BAHCC1: variants seen among roughly 807,000 people sequenced by gnomAD.
BAHCC1 encodes the protein BAH domain and coiled-coil containing 1.
BAHCC1 carries 43 observed loss-of-function variants against 88.2 expected under a neutral mutation model. The observed-to-expected ratio is 0.49, with a 90% confidence interval of 0.38 to 0.63. BAHCC1 has a LOEUF of 0.63. Ranked by LOEUF, BAHCC1 falls within the 20% of genes least tolerant of loss-of-function variation. BAHCC1 has a pLI of 0.00. For missense variants in BAHCC1, 3,023 were observed against 1,654.8 expected (o/e 1.83, Z -14.34); for synonymous variants, 1,510 against 745.5 (o/e 2.03, Z -16.71).
chr17:81,415,905 G>A (rs534212174), intron 2 of BAHCC1, among the ~76,000 whole-genome samples: 2 of 152,260 alleles, frequency 1.3e-5, no homozygotes, highest in East Asian at 1.9e-4. Context: ...TGGGCAGAGC[G>A]CCCCACCCTG....
chr17:81,447,210 G>C lies in BAHCC1; in HGVS notation c.3338G>C (p.Ser1113Thr), dbSNP rs145203731. The change falls in exon 11 of 28, where the codon AGC becomes ACC. Residue 1113 changes from serine (S) to threonine (T), a missense_variant. By Grantham distance (58) the Ser-to-Thr change is moderately conservative. Coordinates refer to ENST00000675386, the MANE Select transcript of BAHCC1 (RefSeq NM_001377448.1). ...GAGCCGCCTCCCTGCAGCCCCAGGA[G>C]CCTGGAGGAGCCCGGGCTGCTCTCA... ...PGEPPPCSPR[S>T]LEEPGLLSGA... 3.2e-5 allele frequency: 24 copies of C among 753,434 alleles called. No homozygotes were observed. The highest frequency in any genetic ancestry group is 2.3e-4 in the Middle Eastern group (1 of 4,294). The allele number at this position is 753,434 out of a possible 1,614,324, so 46.7% of individuals were successfully genotyped here. A position where few individuals can be genotyped will look rare whatever the true frequency, so the allele number is the denominator to read the frequency against.
intron 2 of BAHCC1, among the ~76,000 whole-genome samples, chr17:81,416,624 A>G (rs200935692): frequency 1.4e-4 from 22 of 151,892 alleles, no homozygotes; most frequent in Admixed American, 1.3e-4. Flanking sequence ...GTGTGTGTCC[A>G]TGAGGATGGG....
chr17:81,409,417 G>A (rs567898166), intron 2 of BAHCC1, among the ~76,000 whole-genome samples: 6 of 152,374 alleles, frequency 3.9e-5, no homozygotes, highest in Non-Finnish European at 7.3e-5. Context: ...GGGGAAGTGC[G>A]TGTGAATGGA....
chr17:81,400,973 T>A (rs1555645952), intron 2 of BAHCC1: 2 of 152,464 alleles, frequency 1.3e-5, no homozygotes, highest in African/African-American at 4.8e-5. Context: ...GGCTTTTGTT[T>A]ACAGTTTGTT....
intron 2 of BAHCC1, chr17:81,402,180 A>AG (rs1192005718): frequency 1.3e-5 from 2 of 152,104 alleles, no homozygotes; most frequent in African/African-American, 2.4e-5. Flanking sequence ...CCGTCCCTGG[A>AG]GGCCCCATTT....
At position 81,399,957 on chromosome 17, in the gene BAHCC1, C is replaced by A; in HGVS notation, c.178+40C>A. Reference sequence around the variant, plus strand: ...GGGGCGGGCGCGGGACGGGAGCGTTCGAGAGCGGAACAGGGCGCCCACCCC... The same window carrying A: ...GGGGCGGGCGCGGGACGGGAGCGTTAGAGAGCGGAACAGGGCGCCCACCCC... On this transcript the variant is annotated intron_variant, in intron 2 of 27. Coordinates refer to ENST00000675386, the MANE Select transcript of BAHCC1 (RefSeq NM_001377448.1). The surrounding 1 kb of genome is among the most constrained non-coding windows in gnomAD (Gnocchi z 4.5). 1 of 1,293,544 alleles carries A rather than the reference C, an allele frequency of 7.7e-7. No homozygotes were observed. Among genetic ancestry groups the A allele is most frequent in the South Asian group, 2.1e-5 (1 of 47,172 alleles). 80.1% of individuals were successfully genotyped at this position (1,293,544 alleles called of 1,614,324 possible). A position where few individuals can be genotyped will look rare whatever the true frequency, so the allele number is the denominator to read the frequency against.
At chr17:81,397,784 C>CTCTG (rs1278108505) in intron 1 of BAHCC1, among the ~76,000 whole-genome samples, 1 of 152,214 alleles carries the variant, frequency 6.6e-6, no homozygotes, top group Non-Finnish European at 1.5e-5. Context: ...AGCTGGCGAT[C>CTCTG]CCCAGAGGGA....
intron 2 of BAHCC1, among the ~76,000 whole-genome samples, chr17:81,419,379 C>T (rs2064084306): frequency 2.0e-5 from 3 of 152,272 alleles, no homozygotes; most frequent in Admixed American, 2.0e-4. Context: ...GGCTTCCTCC[C>T]CGCGCTTTCC....
chr17:81,437,016 A>C (rs1275066247), intron 3 of BAHCC1, among the ~76,000 whole-genome samples: 1 of 152,250 alleles, frequency 6.6e-6, no homozygotes, highest in African/African-American at 2.4e-5. Context: ...CCTGGGATCC[A>C]CTGAGCCAGA....
chr17:81,446,920 G>T, intron 10 of BAHCC1, 116 bp from the exon 11 acceptor site: 1 of 695,322 alleles, frequency 1.4e-6, no homozygotes, highest in Non-Finnish European at 2.6e-6. Context: ...GCTAGCCCAG[G>T]GCCCTTCCGC....
chr17:81,461,247 A>T lies in BAHCC1; in HGVS notation c.6584A>T (p.Glu2195Val). The change falls in exon 26 of 28, where the codon GAG (glutamate) becomes GTG (valine). Residue 2195 changes from glutamate (E) to valine (V), a missense_variant. Coordinates refer to ENST00000675386, the MANE Select transcript of BAHCC1 (RefSeq NM_001377448.1). ...RAKKAERVEA[E>V]KGGRRRAGGE... ...AAGAAGGCCGAGAGGGTGGAGGCCG[A>T]GAAGGGTGGGCGGCGGCGGGCGGGC... is the stretch of plus-strand genomic sequence containing the variant. 2.8e-6 allele frequency: 2 copies of T among 708,066 alleles called. No individual in the cohort carries two copies. The highest frequency in any genetic ancestry group is 5.2e-6 in the Non-Finnish European group (2 of 384,620). The allele number at this position is 708,066 out of a possible 1,614,324, so 43.9% of individuals were successfully genotyped here.
In BAHCC1 at chr17:81,442,551, T is replaced by C; in HGVS notation, c.1202T>C (p.Leu401Pro). The C allele has an allele frequency of 2.7e-6, 2 of 742,670 alleles. No individual in the cohort carries two copies. Among genetic ancestry groups the C allele is most frequent in the South Asian group, 2.8e-5 (2 of 70,782 alleles). The allele number at this position is 742,670 out of a possible 1,614,324, so 46.0% of individuals were successfully genotyped here. Residue 401 changes from leucine to proline, a missense_variant, in exon 5 of 28, where the codon CTG (leucine) becomes CCG (proline). Coordinates refer to ENST00000675386, the MANE Select transcript of BAHCC1 (RefSeq NM_001377448.1). Reference sequence around the variant, plus strand: ...ACCTTCGTGCCTTCTGTGGGACACCTGGCCGACAAGGGCCGCCCCTTCCAG... The same window carrying C: ...ACCTTCGTGCCTTCTGTGGGACACCCGGCCGACAAGGGCCGCCCCTTCCAG... ...GPTFVPSVGHLADKGRPFQAA... is the reference protein window; with the variant it reads ...GPTFVPSVGHPADKGRPFQAA...
At chr17:81,455,577 G>T (rs1003971080) in intron 15 of BAHCC1, among the ~76,000 whole-genome samples, 187 bp downstream of exon 15, 7 of 152,210 alleles carry the variant, frequency 4.6e-5, no homozygotes, top group African/African-American at 1.4e-4. Flanking sequence ...ACACAGGAAG[G>T]TCTGACCGGG....
At chr17:81,417,896 C>A (rs1598464087) in intron 2 of BAHCC1, among the ~76,000 whole-genome samples, 1 of 152,262 alleles carries the variant, frequency 6.6e-6, no homozygotes, top group Non-Finnish European at 1.5e-5. Context: ...TGGCTGCATG[C>A]TCTTGGCCTT....
At chr17:81,417,236 G>A (rs1162543178) in intron 2 of BAHCC1, among the ~76,000 whole-genome samples, 2 of 152,182 alleles carry the variant, frequency 1.3e-5, no homozygotes, top group African/African-American at 4.8e-5. Context: ...GAAGCGTTCA[G>A]TTTGGGGCGA....
rs1240344417 is a variant in BAHCC1, at chr17:81,463,670, G to A, written c.7680G>A (p.Lys2560=). 2.6e-6 allele frequency: 2 copies of A among 779,572 alleles called. No homozygotes were observed. The highest frequency in any genetic ancestry group is 4.8e-6 in the Non-Finnish European group (2 of 417,906). 48.3% of individuals were successfully genotyped at this position (779,572 alleles called of 1,614,324 possible). Residue 2560 remains lysine, a synonymous_variant, in exon 28 of 28, where the codon AAG becomes AAA. Transcript: ENST00000675386. The part of the protein sequence containing the change: ...DENDVQTISH[K]CQVVAREQYE... ...ACGACGTGCAGACCATCTCCCACAA[G>A]TGCCAGGTCGTGGCGCGCGAGCAGT...
At chr17:81,407,331 A>G (rs377548475) in intron 2 of BAHCC1, 2 of 519,856 alleles carry the variant, frequency 3.8e-6, no homozygotes, top group South Asian at 1.4e-5. Flanking sequence ...CCTTAGCCAT[A>G]TTAAGTAAGA....
At chr17:81,403,849 G>C (rs1174878313) in intron 2 of BAHCC1, among the ~76,000 whole-genome samples, 1 of 152,148 alleles carries the variant, frequency 6.6e-6, no homozygotes, top group Non-Finnish European at 1.5e-5. Flanking sequence ...GCGGTGGCCC[G>C]CCACGCCCGC....
chr17:81,448,649 T>C (rs1030113144), intron 11 of BAHCC1, among the ~76,000 whole-genome samples: 1 of 151,952 alleles, frequency 6.6e-6, no homozygotes, highest in Non-Finnish European at 1.5e-5. Context: ...TGCATAAAGC[T>C]CACCACCGCG....
Sources: allele counts gnomAD v4.1 joint callset (sites outside exome capture counted in the v4.1 genomes callset), GRCh38; gene constraint gnomAD v4.1.1; non-coding constraint Gnocchi (gnomAD v3.1); transcripts MANE v1.5; gene names NCBI Gene and HGNC (gene_info 2026-07-23, HGNC 2026-07-21).